Variants in PIKFYVE observed in about 807,000 individuals in gnomAD.
PIKFYVE encodes the protein phosphoinositide kinase, FYVE-type zinc finger containing.
A neutral mutation model predicts 257.9 loss-of-function variants in PIKFYVE; 122 were observed. The observed-to-expected ratio is 0.47, with a 90% CI of 0.41 to 0.55. The LOEUF is 0.55. Ranked by LOEUF, PIKFYVE falls within the 20% of genes least tolerant of loss-of-function variation. PIKFYVE has a pLI of 0.00. For missense variants in PIKFYVE, 2,160 were observed against 2,536.6 expected (o/e 0.85, Z 3.19); for synonymous variants, 892 against 868.9 (o/e 1.03, Z -0.47).
At chr2:208,285,504 T>C (rs1691451408) in intron 5 of PIKFYVE, among the ~76,000 whole-genome samples, 1 of 152,198 alleles carries the variant, frequency 6.6e-6, no homozygotes, top group African/African-American at 2.4e-5. Flanking sequence ...TAACTTTTGA[T>C]TTTTAGTGCC....
At chr2:208,305,103 G>A in intron 12 of PIKFYVE, 90 bp downstream of exon 12, 1 of 1,583,146 alleles carries the variant, frequency 6.3e-7, no homozygotes, top group African/African-American at 1.4e-5. Flanking sequence ...GGCTTCCTCT[G>A]TCCCACGTGG....
chr2:208,336,074 T>G lies in PIKFYVE; in HGVS notation c.4394T>G (p.Ile1465Ser). The G allele has an allele frequency of 6.2e-7, 1 of 1,614,112 alleles. No homozygotes were observed. The change falls in exon 27 of 42, where the codon ATT becomes AGT. Residue 1465 changes from isoleucine (I) to serine (S), a missense_variant. By Grantham distance (142) the Ile-to-Ser change is moderately radical. Coordinates refer to ENST00000264380, the MANE Select transcript of PIKFYVE (RefSeq NM_015040.4). ...GAAGAAGGTGAGTTCAAGAACTGGA[T>G]TGAGAAGATGCAAGCAAGGCTCATG... ...EMEEGEFKNWIEKMQARLMSS... is the reference protein window; with the variant it reads ...EMEEGEFKNWSEKMQARLMSS...
At chr2:208,308,325 T>C (rs1694575942) in intron 12 of PIKFYVE, among the ~76,000 whole-genome samples, 1 of 151,800 alleles carries the variant, frequency 6.6e-6, no homozygotes, top group Non-Finnish European at 1.5e-5. Context: ...TGCTTGAGCT[T>C]GGCAGGTTGA....
intron 17 of PIKFYVE, among the ~76,000 whole-genome samples, chr2:208,322,024 G>A (rs557402705): frequency 6.6e-6 from 1 of 152,064 alleles, no homozygotes; most frequent in Non-Finnish European, 1.5e-5. Flanking sequence ...TTTATTCAGA[G>A]ATCCAGAAAA....
chr2:208,276,893 AT>A, intron 4 of PIKFYVE, 63 bp downstream of exon 4: 1 of 1,360,184 alleles, frequency 7.4e-7, no homozygotes, highest in South Asian at 1.2e-5. Context: ...GCCATACCTA[AT>A]GAAAATGGCT....
At chr2:208,275,117 T>C (rs1380650418) in intron 3 of PIKFYVE, among the ~76,000 whole-genome samples, 1 of 152,248 alleles carries the variant, frequency 6.6e-6, no homozygotes, top group Non-Finnish European at 1.5e-5. Flanking sequence ...CAAGTTCTTT[T>C]CCCTATTAAA....
chr2:208,271,318 A>G (rs556628489), intron 1 of PIKFYVE, among the ~76,000 whole-genome samples, 193 bp from the exon 2 acceptor site: 3 of 152,270 alleles, frequency 2.0e-5, no homozygotes, highest in Admixed American at 2.0e-4. Context: ...GTTGTAGATG[A>G]TTGGGGCTCT....
At chr2:208,327,942 G>T (rs1697124124) in intron 20 of PIKFYVE, among the ~76,000 whole-genome samples, 1 of 152,174 alleles carries the variant, frequency 6.6e-6, no homozygotes, top group South Asian at 2.1e-4. Flanking sequence ...AGTAAGTTAA[G>T]AAAACAAGCT....
In PIKFYVE at chr2:208,358,153, A is replaced by G. The variant is rs1574793061; in HGVS notation, c.*2848A>G. The G allele has an allele frequency of 1.3e-5, 2 of 152,468 alleles. No homozygotes were observed. Among genetic ancestry groups the G allele is most frequent in the Non-Finnish European group, 2.9e-5 (2 of 68,032 alleles). The allele number at this position is 152,468 out of a possible 1,614,324, so 9.4% of individuals were successfully genotyped here. A position where few individuals can be genotyped will look rare whatever the true frequency, so the allele number is the denominator to read the frequency against. On this transcript the variant is annotated 3_prime_UTR_variant, in exon 42 of 42. Coordinates refer to ENST00000264380, the MANE Select transcript of PIKFYVE (RefSeq NM_015040.4). ...ATTAGGTATTGTAAATAGTAGGGTT[A>G]TATCGATATCAGCTTTTGTGATGGC...
chr2:208,351,404 C>A lies in PIKFYVE; in HGVS notation c.5664C>A (p.Leu1888=). ...QMPRLEVQSF[L]DFAPHYFNYI... ...CTCGTCTGGAAGTCCAGTCCTTCCT[C>A]GACTTTGCACCACATTACTTCAATT... The change falls in exon 38 of 42, where the codon CTC becomes CTA. Residue 1888 remains leucine (L), a synonymous_variant. Coordinates refer to ENST00000264380, the MANE Select transcript of PIKFYVE (RefSeq NM_015040.4). 6.2e-7 allele frequency: 1 copy of A among 1,613,884 alleles called. No homozygotes were observed. The highest frequency in any genetic ancestry group is 1.3e-5 in the African/African-American group (1 of 75,028).
At chr2:208,332,109 A>G (rs1210828541) in intron 23 of PIKFYVE, among the ~76,000 whole-genome samples, 2 of 152,214 alleles carry the variant, frequency 1.3e-5, no homozygotes, top group Non-Finnish European at 2.9e-5. Context: ...GACTAAACAT[A>G]AATATATATA....
chr2:208,273,816 G>A, intron 3 of PIKFYVE, 83 bp downstream of exon 3: 1 of 1,542,046 alleles, frequency 6.5e-7, no homozygotes, highest in Non-Finnish European at 9.0e-7. Flanking sequence ...TTTATAGCAG[G>A]ACTTAACTTT....
chr2:208,298,639 A>G lies in PIKFYVE; in HGVS notation c.912-2A>G. 1 of 1,613,980 alleles carries G rather than the reference A, an allele frequency of 6.2e-7. No homozygotes were observed. Among genetic ancestry groups the G allele is most frequent in the Non-Finnish European group, 8.5e-7 (1 of 1,179,932 alleles). On this transcript the variant is annotated splice_acceptor_variant, in intron 7 of 41. Transcript: ENST00000264380. LOFTEE classifies it high-confidence loss of function. ...GATTTCACTTCTTGTTTTTATTTCC[A>G]GATCAGCCAGCATTACTAACCTGTC...
At chr2:208,305,138 G>A in intron 12 of PIKFYVE, 125 bp downstream of exon 12, 1 of 1,549,356 alleles carries the variant, frequency 6.5e-7, no homozygotes, top group Non-Finnish European at 8.7e-7. Flanking sequence ...TGTGGGTTTT[G>A]TTCTACCCTT....
chr2:208,312,363 G>T, intron 13 of PIKFYVE, 68 bp downstream of exon 13: 2 of 1,241,156 alleles, frequency 1.6e-6, no homozygotes, highest in Non-Finnish European at 2.3e-6. Flanking sequence ...TTAGGGCTTA[G>T]CACATTGATT....
chr2:208,275,818 G>A (rs572858175), intron 3 of PIKFYVE, among the ~76,000 whole-genome samples: 4 of 152,262 alleles, frequency 2.6e-5, no homozygotes, highest in South Asian at 4.1e-4. Context: ...TAAGCTAATA[G>A]GATGTTCATC....
chr2:208,338,905 G>A (rs960720322), intron 29 of PIKFYVE, among the ~76,000 whole-genome samples: 1 of 152,148 alleles, frequency 6.6e-6, no homozygotes, highest in Non-Finnish European at 1.5e-5. Context: ...CATTTTTAAT[G>A]TCACTAAAAT....
At chr2:208,319,036 A>G (rs1046681545) in intron 16 of PIKFYVE, among the ~76,000 whole-genome samples, 8 of 151,408 alleles carry the variant, frequency 5.3e-5, no homozygotes, top group Admixed American at 4.6e-4. Flanking sequence ...CCATTTATCT[A>G]TAGTAGTGTT....
At chr2:208,301,413 C>G (rs893710078) in intron 9 of PIKFYVE, among the ~76,000 whole-genome samples, 1 of 152,174 alleles carries the variant, frequency 6.6e-6, no homozygotes, top group Admixed American at 6.5e-5. Context: ...GTTCACTAAT[C>G]TAGACAGGTT....
Sources: allele counts gnomAD v4.1 joint callset (sites outside exome capture counted in the v4.1 genomes callset), GRCh38; gene constraint gnomAD v4.1.1; transcripts MANE v1.5; gene names NCBI Gene and HGNC (gene_info 2026-07-23, HGNC 2026-07-21).